Variants in GALNT13 observed in about 807,000 individuals in gnomAD.
The protein encoded by GALNT13 is UDP-GalNAc:polypeptide N-acetylgalactosaminyltransferase 13.
Under a neutral mutation model 64.2 loss-of-function variants are expected in GALNT13, and 28 were observed. The ratio of observed to expected loss-of-function variants is 0.44; its 90% CI spans 0.32 to 0.60. The LOEUF is 0.60. Ranked by LOEUF, GALNT13 falls within the 20% of genes least tolerant of loss-of-function variation. The pLI is 0.05. For synonymous variants in GALNT13, 214 were observed against 224.6 expected (o/e 0.95, Z 0.42); for missense variants, 577 against 669.8 (o/e 0.86, Z 1.53).
the GALNT13 span, among the ~76,000 whole-genome samples, chr2:153,349,345 T>C: frequency 6.6e-6 from 1 of 152,232 alleles, no homozygotes; most frequent in Non-Finnish European, 1.5e-5. Flanking sequence ...GCTTTGTTGA[T>C]GCAATCACTC....
chr2:154,182,477 A>T (rs775982560), intron 4 of GALNT13, among the ~76,000 whole-genome samples: 1 of 151,918 alleles, frequency 6.6e-6, no homozygotes, highest in Non-Finnish European at 1.5e-5. Context: ...GTCATTAAGG[A>T]TCTTTCTTTC....
chr2:154,395,980 A>C lies in GALNT13; in HGVS notation c.1157-11A>C. ...GCACAAACTGATTTGTGTTTCTCTGAAAAATTCCAGGTGTTGTCAAAGTGG... is the reference window on the plus strand; with the variant it reads ...GCACAAACTGATTTGTGTTTCTCTGCAAAATTCCAGGTGTTGTCAAAGTGG... On this transcript the variant is annotated splice_polypyrimidine_tract_variant and intron_variant, in intron 9 of 12. Coordinates refer to ENST00000392825, the MANE Select transcript of GALNT13 (RefSeq NM_052917.4). The C allele has an allele frequency of 6.3e-7, 1 of 1,580,434 alleles. No homozygotes were observed. The highest frequency in any genetic ancestry group is 8.6e-7 in the Non-Finnish European group (1 of 1,166,190).
At chr2:153,516,980 T>A in the GALNT13 span, among the ~76,000 whole-genome samples, 1 of 152,140 alleles carries the variant, frequency 6.6e-6, no homozygotes, top group South Asian at 2.1e-4. Context: ...ATTTTTTAAT[T>A]AGTAACTATT....
intron 3 of GALNT13, among the ~76,000 whole-genome samples, chr2:154,135,697 G>A (rs1416297501): frequency 6.6e-6 from 1 of 152,094 alleles, no homozygotes; most frequent in Non-Finnish European, 1.5e-5. Flanking sequence ...TGTGATGGTG[G>A]GTTCTTGTAG....
chr2:153,448,511 T>G, the GALNT13 span, among the ~76,000 whole-genome samples: 1 of 152,218 alleles, frequency 6.6e-6, no homozygotes, highest in Admixed American at 6.5e-5. Flanking sequence ...TTCTGTAGCC[T>G]AGCATTTGAT....
At chr2:153,625,135 A>T in the GALNT13 span, among the ~76,000 whole-genome samples, 2 of 152,174 alleles carry the variant, frequency 1.3e-5, no homozygotes, top group African/African-American at 2.4e-5. Context: ...AGGCTTTTGA[A>T]CTACAGTCTC....
chr2:154,277,630 T>C (rs1691722739), intron 8 of GALNT13, among the ~76,000 whole-genome samples: 1 of 152,134 alleles, frequency 6.6e-6, no homozygotes, highest in Non-Finnish European at 1.5e-5. Flanking sequence ...TGTGAGATAA[T>C]GTTGAGGGGA....
the GALNT13 span, among the ~76,000 whole-genome samples, chr2:153,778,057 C>G: frequency 6.6e-6 from 1 of 152,186 alleles, no homozygotes; most frequent in Non-Finnish European, 1.5e-5. Context: ...CCAAGCTCTC[C>G]TCCAACTGCC....
At chr2:153,794,810 T>C in the GALNT13 span, among the ~76,000 whole-genome samples, 3 of 152,200 alleles carry the variant, frequency 2.0e-5, no homozygotes, top group South Asian at 2.1e-4. Context: ...TGAGCCACCG[T>C]GCCCAGCCTG....
intron 1 of GALNT13, among the ~76,000 whole-genome samples, chr2:153,883,498 T>G (rs1311219714): frequency 6.6e-6 from 1 of 152,062 alleles, no homozygotes; most frequent in Non-Finnish European, 1.5e-5. Context: ...AACGTTATCT[T>G]CTTTAAATAT....
the GALNT13 span, among the ~76,000 whole-genome samples, chr2:153,722,246 A>T: frequency 1.3e-3 from 185 of 146,498 alleles, 1 homozygote; most frequent in African/African-American, 4.6e-3. Context: ...ATAAAGATGT[A>T]CTTTGAAACC....
the GALNT13 span, among the ~76,000 whole-genome samples, chr2:153,072,137 C>T: frequency 6.6e-6 from 1 of 152,238 alleles, no homozygotes; most frequent in South Asian, 2.1e-4. Context: ...AATCTAAGTC[C>T]AAAACAAAAT....
chr2:154,143,195 G>A (rs565015942), intron 4 of GALNT13, among the ~76,000 whole-genome samples: 124 of 152,178 alleles, frequency 8.1e-4, no homozygotes, highest in Admixed American at 1.6e-3. Flanking sequence ...CTTCGCATGC[G>A]CAGTTCACAA....
the GALNT13 span, among the ~76,000 whole-genome samples, chr2:153,216,712 G>C: frequency 2.0e-5 from 3 of 151,932 alleles, no homozygotes; most frequent in African/African-American, 7.2e-5. Flanking sequence ...CTCTTGTAAG[G>C]TTTTTGATTT....
chr2:153,447,656 T>TCTA, the GALNT13 span, among the ~76,000 whole-genome samples: 3 of 152,190 alleles, frequency 2.0e-5, no homozygotes, highest in Non-Finnish European at 4.4e-5. Context: ...AATAGCAAAT[T>TCTA]CTAGCTCTGT....
At chr2:153,100,201 C>T in the GALNT13 span, among the ~76,000 whole-genome samples, 4 of 152,094 alleles carry the variant, frequency 2.6e-5, no homozygotes, top group South Asian at 6.2e-4. Context: ...AAATAAAAAC[C>T]AAAACAAAAA....
chr2:153,818,096 G>A, the GALNT13 span, among the ~76,000 whole-genome samples: 1 of 144,662 alleles, frequency 6.9e-6, no homozygotes, highest in African/African-American at 2.6e-5. Context: ...GAACCGGCAT[G>A]GAACCAGGGG....
intron 3 of GALNT13, among the ~76,000 whole-genome samples, chr2:153,979,521 A>G (rs1467858502): frequency 2.0e-5 from 3 of 152,180 alleles, no homozygotes; most frequent in African/African-American, 7.2e-5. Context: ...CTCTTCTACC[A>G]TCCTCCTTTT....
At chr2:153,574,472 C>T in the GALNT13 span, among the ~76,000 whole-genome samples, 1 of 151,978 alleles carries the variant, frequency 6.6e-6, no homozygotes, top group Non-Finnish European at 1.5e-5. Flanking sequence ...TTGAAGCCAC[C>T]TTTAAGGCCT....
Sources: allele counts gnomAD v4.1 joint callset (sites outside exome capture counted in the v4.1 genomes callset), GRCh38; gene constraint gnomAD v4.1.1; transcripts MANE v1.5; gene names NCBI Gene and HGNC (gene_info 2026-07-23, HGNC 2026-07-21).